VEZT: variants seen among roughly 807,000 people sequenced by gnomAD.
The protein encoded by VEZT is vezatin, adherens junctions transmembrane protein, also known as vezatin.
Under a neutral mutation model 79.9 loss-of-function variants are expected in VEZT, and 39 were observed. That is an observed-to-expected ratio of 0.49 (90% CI 0.38 to 0.64). The LOEUF (loss-of-function observed/expected upper bound fraction) is 0.64, where lower values mean the gene tolerates loss of function less well. Among genes scored for constraint, VEZT ranks in the 30% least tolerant of loss-of-function variants. VEZT has a pLI of 0.00. For synonymous variants in VEZT, 325 were observed against 327.6 expected (o/e 0.99, Z 0.09); for missense variants, 837 against 893.1 (o/e 0.94, Z 0.80).
chr12:95,268,180 T>TA (rs1455386396), intron 5 of VEZT, among the ~76,000 whole-genome samples: 1 of 151,728 alleles, frequency 6.6e-6, no homozygotes, highest in Non-Finnish European at 1.5e-5. Context: ...TTTAAAAGTT[T>TA]AAAAAAATCA....
chr12:95,299,822 C>T (rs2074944423), intron 11 of VEZT: 1 of 157,752 alleles, frequency 6.3e-6, no homozygotes, highest in Non-Finnish European at 1.4e-5. Context: ...TGGGATCAGG[C>T]CCAAGAATTT....
Position 95,296,245 on chromosome 12 carries a change from A to C in VEZT, c.1818A>C (p.Leu606=), listed in dbSNP as rs755444038. The C allele has an allele frequency of 3.8e-6, 6 of 1,581,630 alleles. No homozygotes were observed. The highest frequency in any genetic ancestry group is 5.2e-6 in the Non-Finnish European group (6 of 1,162,894). ...AAAGGCAGAAGTGGAAGCAACTTCT[A>C]TTTAGTGATCATGGTAAGCACTGAC... ...EAERQKWKQL[L]FSDHAVLKSL... Residue 606 remains leucine (L), a synonymous_variant, in exon 11 of 12, where the codon CTA becomes CTC. Transcript: ENST00000436874.
chr12:95,274,704 A>C (rs192926276), intron 6 of VEZT, 38 bp from the exon 7 acceptor site: 1 of 1,578,868 alleles, frequency 6.3e-7, no homozygotes, highest in African/African-American at 1.4e-5. Context: ...TTATGCTTTC[A>C]TGAAAAGGCT....
At chr12:95,239,677 C>G (rs1277590210) in intron 1 of VEZT, among the ~76,000 whole-genome samples, 1 of 152,092 alleles carries the variant, frequency 6.6e-6, no homozygotes, top group Non-Finnish European at 1.5e-5. Context: ...TAAGGCCCAG[C>G]ACGGTAGCTC....
At chr12:95,295,885 A>G (rs2074032478) in intron 10 of VEZT, among the ~76,000 whole-genome samples, 166 bp from the exon 11 acceptor site, 1 of 152,182 alleles carries the variant, frequency 6.6e-6, no homozygotes, top group African/African-American at 2.4e-5. Context: ...CAATTTATCC[A>G]TAGGTATATA....
intron 2 of VEZT, among the ~76,000 whole-genome samples, chr12:95,255,279 C>T (rs150271714): frequency 7.0e-4 from 106 of 152,240 alleles, no homozygotes; most frequent in African/African-American, 2.5e-3. Context: ...TCTCAGTTAC[C>T]ATACCATTTC....
intron 2 of VEZT, among the ~76,000 whole-genome samples, chr12:95,254,657 AT>A (rs1293012672): frequency 6.6e-6 from 1 of 151,930 alleles, no homozygotes; most frequent in Non-Finnish European, 1.5e-5. Context: ...TTTTTTCCTA[AT>A]TTGGGGAGAG....
chr12:95,263,213 A>AT (rs1349798104), intron 4 of VEZT, 132 bp downstream of exon 4: 8 of 882,760 alleles, frequency 9.1e-6, no homozygotes, highest in African/African-American at 1.7e-5. Context: ...AAGTAACAAT[A>AT]TGGGGGGAAA....
intron 1 of VEZT, among the ~76,000 whole-genome samples, chr12:95,247,006 A>G (rs2061813680): frequency 6.6e-6 from 1 of 152,216 alleles, no homozygotes; most frequent in African/African-American, 2.4e-5. Context: ...TAAGCCTAAT[A>G]TCCCAAAACC....
chr12:95,250,123 G>A (rs1040573812), intron 1 of VEZT, among the ~76,000 whole-genome samples: 32 of 146,576 alleles, frequency 2.2e-4, no homozygotes, highest in African/African-American at 8.1e-4. Flanking sequence ...GTGCAGGTTA[G>A]TTACATATGT....
At chr12:95,248,264 C>G (rs533369330) in intron 1 of VEZT, among the ~76,000 whole-genome samples, 3 of 152,254 alleles carry the variant, frequency 2.0e-5, no homozygotes, top group African/African-American at 7.2e-5. Flanking sequence ...GAATAAACTA[C>G]TAGTAGAATT....
At chr12:95,238,591 T>G (rs2034214561) in intron 1 of VEZT, among the ~76,000 whole-genome samples, 1 of 152,178 alleles carries the variant, frequency 6.6e-6, no homozygotes, top group African/African-American at 2.4e-5. Flanking sequence ...GTAGGCTACT[T>G]TCCTGACCTC....
At chr12:95,220,384 A>G (rs763471499) in intron 1 of VEZT, among the ~76,000 whole-genome samples, 30 of 152,180 alleles carry the variant, frequency 2.0e-4, no homozygotes, top group Non-Finnish European at 3.4e-4. Flanking sequence ...GAGCCTGGGT[A>G]GGTCAAGGCT....
At chr12:95,287,621 T>G in intron 8 of VEZT, 43 bp from the exon 9 acceptor site, 1 of 1,409,212 alleles carries the variant, frequency 7.1e-7, no homozygotes, top group East Asian at 2.6e-5. Flanking sequence ...AATTTTTCAT[T>G]TCATATTATA....
chr12:95,230,331 T>C (rs1289827537), intron 1 of VEZT, among the ~76,000 whole-genome samples: 2 of 152,164 alleles, frequency 1.3e-5, no homozygotes, highest in Non-Finnish European at 2.9e-5. Context: ...TCTCTTATTG[T>C]TGAGGTTTTT....
intron 3 of VEZT, 76 bp from the exon 4 acceptor site, chr12:95,262,830 A>C: frequency 7.8e-7 from 1 of 1,288,668 alleles, no homozygotes; most frequent in Non-Finnish European, 1.0e-6. Context: ...AAATTTTATT[A>C]GTACATTAGG....
chr12:95,286,588 T>G (rs537545116), intron 8 of VEZT: 65 of 464,652 alleles, frequency 1.4e-4, no homozygotes, highest in Non-Finnish European at 1.6e-4. Flanking sequence ...TTGTACCATC[T>G]TTTTCTTCAC....
intron 6 of VEZT, among the ~76,000 whole-genome samples, chr12:95,272,269 G>A (rs922142488): frequency 2.0e-4 from 30 of 152,160 alleles, no homozygotes; most frequent in Non-Finnish European, 4.4e-5. Flanking sequence ...GAGAATGATC[G>A]GTGGGGTGCT....
chr12:95,266,119 T>C (rs917133181), intron 4 of VEZT, among the ~76,000 whole-genome samples: 1 of 152,226 alleles, frequency 6.6e-6, no homozygotes, highest in African/African-American at 2.4e-5. Context: ...GTTTTCTTAC[T>C]TAAATTTATC....
Sources: allele counts gnomAD v4.1 joint callset (sites outside exome capture counted in the v4.1 genomes callset), GRCh38; gene constraint gnomAD v4.1.1; transcripts MANE v1.5; gene names NCBI Gene and HGNC (gene_info 2026-07-23, HGNC 2026-07-21).